The following SORT1 variants were observed in gnomAD, a reference collection of about 807,000 sequenced individuals.
SORT1 encodes the protein sortilin.
SORT1 carries 39 observed loss-of-function variants against 101.7 expected under a neutral mutation model. The observed-to-expected ratio is 0.38, with a 90% CI of 0.30 to 0.50. The LOEUF is 0.50. Among genes scored for constraint, SORT1 ranks in the 20% least tolerant of loss-of-function variants. The pLI is 0.90. For synonymous variants in SORT1, 396 were observed against 393.7 expected (o/e 1.01, Z -0.07); for missense variants, 878 against 1,040.4 (o/e 0.84, Z 2.15).
chr1:109,330,391 G>T (rs34135397), intron 11 of SORT1, among the ~76,000 whole-genome samples: 78 of 146,778 alleles, frequency 5.3e-4, no homozygotes, highest in Non-Finnish European at 1.0e-3. Context: ...ACATATTCTT[G>T]AACAACCAAT....
At chr1:109,362,806 A>G (rs936730254) in intron 3 of SORT1, among the ~76,000 whole-genome samples, 1 of 152,152 alleles carries the variant, frequency 6.6e-6, no homozygotes, top group African/African-American at 2.4e-5. Flanking sequence ...TTCTTTAAAA[A>G]AAAAAAAGCA....
intron 1 of SORT1, among the ~76,000 whole-genome samples, chr1:109,376,621 C>G (rs2101638770): frequency 6.6e-6 from 1 of 152,148 alleles, no homozygotes; most frequent in South Asian, 2.1e-4. Context: ...GAGGCCATTA[C>G]CCTCAGTAAA....
At chr1:109,381,715 CAAT>C (rs1570982642) in intron 1 of SORT1, among the ~76,000 whole-genome samples, 1 of 152,056 alleles carries the variant, frequency 6.6e-6, no homozygotes, top group South Asian at 2.1e-4. Flanking sequence ...AAAAAACCAA[CAAT>C]AACAACAACA....
chr1:109,359,880 G>C (rs567595137), intron 3 of SORT1, among the ~76,000 whole-genome samples: 17 of 152,226 alleles, frequency 1.1e-4, no homozygotes, highest in African/African-American at 3.6e-4. Flanking sequence ...ATCAGACAAA[G>C]GTGAGACTCA....
intron 1 of SORT1, among the ~76,000 whole-genome samples, chr1:109,396,602 G>A (rs185079248): frequency 6.6e-6 from 1 of 152,326 alleles, no homozygotes; most frequent in East Asian, 1.9e-4. Flanking sequence ...AGTCCAAAGG[G>A]AGACTGAGGC....
chr1:109,345,446 C>T (rs1313044134), intron 8 of SORT1, among the ~76,000 whole-genome samples: 1 of 151,304 alleles, frequency 6.6e-6, no homozygotes, highest in Admixed American at 6.6e-5. Context: ...ATCTGGGAGG[C>T]GGAGGGTGCA....
At chr1:109,363,975 A>G (rs1265059363) in intron 3 of SORT1, among the ~76,000 whole-genome samples, 1 of 152,222 alleles carries the variant, frequency 6.6e-6, no homozygotes, top group African/African-American at 2.4e-5. Context: ...GCAACAAGGC[A>G]TATTTACAGT....
chr1:109,343,862 G>T (rs1649402036), intron 8 of SORT1, among the ~76,000 whole-genome samples: 1 of 152,104 alleles, frequency 6.6e-6, no homozygotes, highest in Admixed American at 6.5e-5. Context: ...TGTTGGCCAG[G>T]CTGCTCTCAA....
intron 11 of SORT1, among the ~76,000 whole-genome samples, chr1:109,332,027 T>C (rs910409015): frequency 9.2e-6 from 1 of 109,158 alleles, no homozygotes; most frequent in African/African-American, 2.9e-5. Context: ...ATGAAAGAAA[T>C]TGAAGATGAC....
intron 1 of SORT1, chr1:109,397,222 G>C (rs1653230913): frequency 6.6e-6 from 1 of 152,224 alleles, no homozygotes; most frequent in Non-Finnish European, 1.5e-5. Context: ...CTTCTGCGCA[G>C]CCCAACTTCT....
chr1:109,338,444 A>G (rs1388075053), intron 10 of SORT1, among the ~76,000 whole-genome samples: 1 of 152,174 alleles, frequency 6.6e-6, no homozygotes, highest in Non-Finnish European at 1.5e-5. Context: ...AAATAAATAT[A>G]TAAATAAAAT....
At chr1:109,334,392 T>C (rs1648669815) in intron 11 of SORT1, among the ~76,000 whole-genome samples, 1 of 152,150 alleles carries the variant, frequency 6.6e-6, no homozygotes, top group African/African-American at 2.4e-5. Flanking sequence ...GTTGAAAACA[T>C]GAACCTGGGA....
Position 109,313,847 on chromosome 1 carries a change from T to A in SORT1, c.*196A>T, listed in dbSNP as rs150300568. ...ATGTCTCCCTTTTTCTCAGAGCCAA[T>A]TGTAAAAAAGTGCTCAGGGTTCCCC... On this transcript the variant is annotated 3_prime_UTR_variant, in exon 20 of 20. Transcript: ENST00000256637. The A allele has an allele frequency of 1.8e-6, 1 of 558,144 alleles. No individual in the cohort carries two copies. The highest frequency in any genetic ancestry group is 1.9e-5 in the African/African-American group (1 of 52,594). The allele number at this position is 558,144 out of a possible 1,614,324, so 34.6% of individuals were successfully genotyped here.
intron 13 of SORT1, among the ~76,000 whole-genome samples, chr1:109,325,713 G>A (rs890858276): frequency 3.5e-4 from 53 of 152,068 alleles, no homozygotes; most frequent in African/African-American, 1.2e-3. Flanking sequence ...GGTGGCTCAC[G>A]CCTGTAATCC....
In SORT1 at chr1:109,369,608, T is replaced by A. The variant is rs1228095096; in HGVS notation, c.307-19A>T. On this transcript the variant is annotated intron_variant, in intron 1 of 19. Coordinates refer to ENST00000256637, the MANE Select transcript of SORT1 (RefSeq NM_002959.7). ...ACACATGCTATAAGGGGAAAAAAAA[T>A]TAATTTAGAAATGACAGCCACTCTC... 3 of 1,551,956 alleles carry A rather than the reference T, an allele frequency of 1.9e-6. No individual in the cohort carries two copies. Among genetic ancestry groups the A allele is most frequent in the Admixed American group, 1.7e-5 (1 of 59,890 alleles).
chr1:109,364,512 A>G (rs1368171349), intron 3 of SORT1, among the ~76,000 whole-genome samples: 1 of 152,140 alleles, frequency 6.6e-6, no homozygotes, highest in African/African-American at 2.4e-5. Flanking sequence ...AACAGCTACA[A>G]CCTAACTATC....
intron 1 of SORT1, among the ~76,000 whole-genome samples, chr1:109,379,698 C>G (rs963056189): frequency 2.0e-5 from 3 of 152,072 alleles, no homozygotes; most frequent in Admixed American, 6.6e-5. Context: ...AGCAGATGAG[C>G]ATGAAATTAT....
At chr1:109,392,483 G>T in intron 1 of SORT1, 2 of 375,592 alleles carry the variant, frequency 5.3e-6, no homozygotes, top group Non-Finnish European at 3.7e-6. Flanking sequence ...AAATTGAACA[G>T]AACATAAGCC....
chr1:109,331,581 C>T lies in SORT1; in HGVS notation c.1372-3980G>A, dbSNP rs969641743. On this transcript the variant is annotated intron_variant, in intron 11 of 19. Coordinates refer to ENST00000256637, the MANE Select transcript of SORT1 (RefSeq NM_002959.7). Reference sequence around the variant, plus strand: ...GCCCACAGCTAACATCATACTCAAACAGTCAAAAGCTAAACCTTTTCCTCT... The same window carrying T: ...GCCCACAGCTAACATCATACTCAAATAGTCAAAAGCTAAACCTTTTCCTCT... Among the ~76,000 whole-genome samples the T allele has an allele frequency of 2.6e-5, 4 of 152,110 alleles. No individual in the cohort carries two copies. In the East Asian group the frequency reaches 7.7e-4, roughly 29 times the overall value.
Sources: gnomAD v4.1 joint callset for allele counts (sites outside exome capture counted in the v4.1 genomes callset) on GRCh38, gnomAD v4.1.1 for gene constraint, MANE v1.5 for transcripts, NCBI Gene and HGNC (gene_info 2026-07-23, HGNC 2026-07-21) for gene names.